CEP112: variants seen among roughly 807,000 people sequenced by gnomAD.
CEP112 encodes the protein centrosomal protein 112.
A neutral mutation model predicts 153.0 loss-of-function variants in CEP112; 127 were observed. That is an observed-to-expected ratio of 0.83 (90% confidence interval 0.72 to 0.96). CEP112 has a LOEUF of 0.96. Ranked by LOEUF, CEP112 falls within the 40% of genes least tolerant of loss-of-function variation. The pLI, the probability that CEP112 is intolerant of heterozygous loss-of-function variation, is 0.00. For synonymous variants in CEP112, 358 were observed against 374.4 expected, an observed-to-expected ratio of 0.96 and a Z score of 0.51; for missense variants, 1,089 against 1,101.2, an observed-to-expected ratio of 0.99 and a Z score of 0.16.
intron 7 of CEP112, 80 bp from the exon 8 acceptor site, chr17:66,096,408 T>C: frequency 7.3e-7 from 1 of 1,375,622 alleles, no homozygotes. Flanking sequence ...CTAAATTGCC[T>C]GAGGCCCGTA....
At chr17:65,765,401 G>T (rs1567980405) in intron 21 of CEP112, among the ~76,000 whole-genome samples, 1 of 151,910 alleles carries the variant, frequency 6.6e-6, no homozygotes, top group Non-Finnish European at 1.5e-5. Context: ...GGTAGGCTCT[G>T]TTAAGTGCAA....
chr17:65,797,785 G>C (rs1162456812), intron 21 of CEP112, among the ~76,000 whole-genome samples: 4 of 152,158 alleles, frequency 2.6e-5, no homozygotes, highest in Admixed American at 6.5e-5. Flanking sequence ...GTTGAAAGCT[G>C]GTTCAGTGCT....
At chr17:66,066,925 T>A (rs771592777) in intron 9 of CEP112, 48 bp from the exon 10 acceptor site, 5 of 1,212,474 alleles carry the variant, frequency 4.1e-6, no homozygotes, top group Non-Finnish European at 5.5e-6. Context: ...ACTTTACATA[T>A]AGGACACTTT....
chr17:66,080,113 A>C (rs1157051077), intron 8 of CEP112, among the ~76,000 whole-genome samples: 1 of 152,180 alleles, frequency 6.6e-6, no homozygotes, highest in Non-Finnish European at 1.5e-5. Flanking sequence ...AGACCTCATG[A>C]CTAAAACACC....
chr17:65,645,125 A>C (rs1049610159), intron 24 of CEP112, among the ~76,000 whole-genome samples: 1 of 151,684 alleles, frequency 6.6e-6, no homozygotes, highest in African/African-American at 2.4e-5. Flanking sequence ...ATATACTTAT[A>C]TGTATTTTTT....
At chr17:65,905,765 TA>T (rs1480190300) in intron 19 of CEP112, among the ~76,000 whole-genome samples, 2 of 151,898 alleles carry the variant, frequency 1.3e-5, no homozygotes, top group East Asian at 3.9e-4. Flanking sequence ...CCATCTCTAC[TA>T]AAAATAAAAA....
At chr17:65,655,391 A>G in intron 24 of CEP112, 1 of 1,518,806 alleles carries the variant, frequency 6.6e-7, no homozygotes. Context: ...ACTCCAGTAA[A>G]GAACTAAGAA....
At chr17:65,785,737 T>G (rs1028345939) in intron 21 of CEP112, among the ~76,000 whole-genome samples, 3 of 152,222 alleles carry the variant, frequency 2.0e-5, no homozygotes, top group African/African-American at 7.2e-5. Flanking sequence ...TGTTTTCTTC[T>G]AAGAGTTTCA....
chr17:65,949,084 A>G (rs1441473891), intron 18 of CEP112, among the ~76,000 whole-genome samples: 2 of 152,204 alleles, frequency 1.3e-5, no homozygotes, highest in Non-Finnish European at 2.9e-5. Context: ...TTTCTTTTAG[A>G]ATTTGAGTTA....
chr17:65,980,263 G>A (rs977609072), intron 17 of CEP112, among the ~76,000 whole-genome samples: 1 of 152,140 alleles, frequency 6.6e-6, no homozygotes, highest in African/African-American at 2.4e-5. Context: ...TAAAAAACTT[G>A]AGGATTCAGG....
chr17:65,811,680 A>G (rs1285328421), intron 21 of CEP112, among the ~76,000 whole-genome samples: 1 of 152,234 alleles, frequency 6.6e-6, no homozygotes, highest in East Asian at 1.9e-4. Flanking sequence ...TTTATCACAT[A>G]CAAGTTATAG....
At position 65,792,620 on chromosome 17, in the gene CEP112, A is replaced by AT. The variant is rs1440386578; in HGVS notation, c.2395-41897dup. 3.9e-5 allele frequency among the ~76,000 whole-genome samples: 6 copies of AT among 152,180 alleles called. No individual in the cohort carries two copies. The East Asian group carries it at 1.2e-3, about 29-fold the overall frequency. The stretch of plus-strand genomic sequence containing the variant: ...GTAAATTTACGTTGTGTTATGTTAC[A>AT]TAAAAAGCAGAGATTAGATAATTAG... On this transcript the variant is annotated intron_variant, in intron 21 of 26. Coordinates refer to ENST00000535342, the MANE Select transcript of CEP112 (RefSeq NM_001199165.4).
At chr17:66,067,743 A>G (rs971848826) in intron 9 of CEP112, among the ~76,000 whole-genome samples, 2 of 152,234 alleles carry the variant, frequency 1.3e-5, no homozygotes, top group Non-Finnish European at 2.9e-5. Flanking sequence ...TTTTAAGGAC[A>G]GTATAAATAA....
At chr17:65,983,251 G>A (rs963243288) in intron 17 of CEP112, among the ~76,000 whole-genome samples, 1 of 152,214 alleles carries the variant, frequency 6.6e-6, no homozygotes, top group Non-Finnish European at 1.5e-5. Flanking sequence ...ATAAATGACT[G>A]TAGCTGTAAC....
At chr17:65,788,175 TCTC>T (rs2054382600) in intron 21 of CEP112, among the ~76,000 whole-genome samples, 1 of 152,210 alleles carries the variant, frequency 6.6e-6, no homozygotes, top group Non-Finnish European at 1.5e-5. Flanking sequence ...ACATGGTTTT[TCTC>T]CTTTCAGTGT....
chr17:65,845,638 C>G (rs929758153), intron 21 of CEP112, among the ~76,000 whole-genome samples: 4 of 152,148 alleles, frequency 2.6e-5, no homozygotes, highest in African/African-American at 9.7e-5. Context: ...GAATAGGTTT[C>G]TAAAACCATT....
rs144575098 is a variant in CEP112 at position 66,183,843 on chromosome 17, A to C, written c.-8-536T>G. Among the ~76,000 whole-genome samples the C allele has an allele frequency of 5.1e-4, 77 of 152,332 alleles. 1 individual carries two copies. The highest frequency in any genetic ancestry group is 1.9e-4 in the Non-Finnish European group (13 of 68,032). On this transcript the variant is annotated intron_variant, in intron 1 of 26. Coordinates refer to ENST00000535342, the MANE Select transcript of CEP112 (RefSeq NM_001199165.4). Reference sequence around the variant, plus strand: ...TAACTCAATATGAATCACAGACCTAAGTGTAAAAATGTAAAACTATACAAC... The same window carrying C: ...TAACTCAATATGAATCACAGACCTACGTGTAAAAATGTAAAACTATACAAC...
intron 16 of CEP112, among the ~76,000 whole-genome samples, chr17:66,025,130 T>C (rs1043943952): frequency 6.6e-6 from 1 of 152,030 alleles, no homozygotes; most frequent in African/African-American, 2.4e-5. Context: ...TATATAAAAA[T>C]CAACTCAAGA....
chr17:66,138,771 T>C (rs978994273), intron 4 of CEP112, among the ~76,000 whole-genome samples: 2 of 150,862 alleles, frequency 1.3e-5, no homozygotes, highest in African/African-American at 4.9e-5. Flanking sequence ...CAAAGAAATA[T>C]AAGGAAGAAA....
Sources: gnomAD v4.1 joint callset for allele counts (sites outside exome capture counted in the v4.1 genomes callset) on GRCh38, gnomAD v4.1.1 for gene constraint, MANE v1.5 for transcripts, NCBI Gene and HGNC (gene_info 2026-07-23, HGNC 2026-07-21) for gene names.